Variants in MPV17L observed in about 807,000 individuals in gnomAD.
The protein encoded by MPV17L is MPV17 mitochondrial inner membrane protein like, also known as mpv17-like protein.
In MPV17L, 24 loss-of-function variants were observed where a neutral mutation model predicts 25.8. That is an observed-to-expected ratio of 0.93 (90% CI 0.67 to 1.31). The LOEUF is 1.31. Among genes scored for constraint, MPV17L ranks in the 50% most tolerant of loss-of-function variants. The pLI is 0.00. For synonymous variants in MPV17L, 102 were observed against 115.3 expected, an observed-to-expected ratio of 0.88 and a Z score of 0.74; for missense variants, 250 against 265.6, an observed-to-expected ratio of 0.94 and a Z score of 0.41.
At position 15,395,863 on chromosome 16, in the gene MPV17L, G is replaced by T. The variant is rs1218388743; in HGVS notation, c.-35G>T. ...CCCGGTGCAGGAAGACGCCGACCAC[G>T]CGGGCTCCTGATCGCGGGCGCCCAC... On this transcript the variant is annotated 5_prime_UTR_variant, in exon 1 of 4. Transcript: ENST00000396385. 13 of 1,375,956 alleles carry T rather than the reference G, an allele frequency of 9.4e-6. No homozygotes were observed. Among genetic ancestry groups the T allele is most frequent in the Non-Finnish European group, 1.2e-5 (13 of 1,075,732 alleles). The allele number at this position is 1,375,956 out of a possible 1,614,324, so 85.2% of individuals were successfully genotyped here.
intron 2 of MPV17L, 118 bp from the exon 3 acceptor site, chr16:15,407,706 C>T (rs2050693761): frequency 4.3e-6 from 4 of 939,424 alleles, no homozygotes; most frequent in South Asian, 1.7e-5. Flanking sequence ...TGCACCACTG[C>T]ACTCCAGTCT....
chr16:15,407,919 T>C lies in MPV17L; in HGVS notation c.412-14T>C, dbSNP rs761655522. On this transcript the variant is annotated splice_polypyrimidine_tract_variant and intron_variant, in intron 3 of 3. Coordinates refer to ENST00000396385, the MANE Select transcript of MPV17L (RefSeq NM_001128423.2). ...GTTTCCATGTGGCCCTAACGGACTCTCTCTCTGTTCCAGCTGACCAACTTC... is the reference window on the plus strand; with the variant it reads ...GTTTCCATGTGGCCCTAACGGACTCCCTCTCTGTTCCAGCTGACCAACTTC... 1.2e-6 allele frequency: 2 copies of C among 1,613,490 alleles called. No homozygotes were observed. The highest frequency in any genetic ancestry group is 4.5e-5 in the East Asian group (2 of 44,878).
intron 1 of MPV17L, 31 bp downstream of exon 1, chr16:15,396,238 G>A (rs1339475137): frequency 1.3e-6 from 2 of 1,543,628 alleles, no homozygotes; most frequent in Non-Finnish European, 1.7e-6. Flanking sequence ...CTGGGGGGTG[G>A]GACCCAGTAT....
At chr16:15,400,910 A>ATATATATTTTGTG in intron 2 of MPV17L, 53 bp downstream of exon 2, 1 of 1,084,592 alleles carries the variant, frequency 9.2e-7, no homozygotes, top group Non-Finnish European at 1.2e-6. Context: ...ATATATGTAT[A>ATATATATTTTGTG]TATATGTGTA....
chr16:15,397,190 G>A (rs1298752643), intron 1 of MPV17L, among the ~76,000 whole-genome samples: 1 of 152,170 alleles, frequency 6.6e-6, no homozygotes, highest in Non-Finnish European at 1.5e-5. Flanking sequence ...AGGAGAGGGT[G>A]CATGACTGCA....
Position 15,395,978 on chromosome 16 carries a change from C to A in MPV17L, c.81C>A (p.Leu27=). 1.3e-6 allele frequency: 2 copies of A among 1,513,458 alleles called. No individual in the cohort carries two copies. Among genetic ancestry groups the A allele is most frequent in the Non-Finnish European group, 1.8e-6 (2 of 1,138,600 alleles). 93.8% of individuals were successfully genotyped at this position (1,513,458 alleles called of 1,614,324 possible). ...WPTNVLLYGS[L]VSAGDALQQR... is the part of the protein sequence containing the mutation. ...CCAACGTGCTGCTTTACGGCTCGCT[C>A]GTCTCGGCCGGGGACGCGCTGCAAC... Residue 27 remains leucine, a synonymous_variant, in exon 1 of 4, where the codon CTC becomes CTA. Transcript: ENST00000396385.
At chr16:15,400,737 T>C (rs1379146909) in intron 1 of MPV17L, 50 bp from the exon 2 acceptor site, 5 of 1,307,224 alleles carry the variant, frequency 3.8e-6, no homozygotes, top group East Asian at 2.4e-5. Context: ...TGAACTGTTA[T>C]ACGGTACTCT....
intron 2 of MPV17L, among the ~76,000 whole-genome samples, chr16:15,403,613 A>C (rs1208784906): frequency 6.6e-6 from 1 of 151,436 alleles, no homozygotes; most frequent in Non-Finnish European, 1.5e-5. Flanking sequence ...TCGAGGCTGC[A>C]GTAAGCTGTG....
chr16:15,402,196 C>T (rs143254253), intron 2 of MPV17L, among the ~76,000 whole-genome samples: 1 of 152,184 alleles, frequency 6.6e-6, no homozygotes, highest in Non-Finnish European at 1.5e-5. Flanking sequence ...CAAATATATA[C>T]AGTCCAGTCC....
At chr16:15,401,123 C>A (rs372442861) in intron 2 of MPV17L, among the ~76,000 whole-genome samples, 10,748 of 77,896 alleles carry the variant, frequency 0.14, 577 homozygotes, top group Middle Eastern at 0.2. Flanking sequence ...ATTAAAAAAA[C>A]CTTTTTCGAG....
rs117236268 is a variant in MPV17L at position 15,409,274 on chromosome 16, G to A, written c.*1162G>A. 5.5e-3 allele frequency: 841 copies of A among 152,182 alleles called. 17 individuals carry two copies. In the East Asian group the frequency reaches 0.065, roughly 12 times the overall value. The allele number at this position is 152,182 out of a possible 1,614,324, so 9.4% of individuals were successfully genotyped here. A position where few individuals can be genotyped will look rare whatever the true frequency, so the allele number is the denominator to read the frequency against. On this transcript the variant is annotated 3_prime_UTR_variant, in exon 4 of 4. Transcript: ENST00000396385. ...TTTTTGTATTTTTAGTAGAGAGGGC[G>A]TTTTGCCATGTTGGCTAGGCTGGTC...
At chr16:15,404,382 G>A (rs193037328) in intron 2 of MPV17L, among the ~76,000 whole-genome samples, 83 of 152,246 alleles carry the variant, frequency 5.5e-4, no homozygotes, top group Non-Finnish European at 1.0e-3. Flanking sequence ...GGTGGTTATC[G>A]TGACCAAGTT....
intron 1 of MPV17L, 27 bp from the exon 2 acceptor site, chr16:15,400,760 A>G (rs1376241387): frequency 1.9e-6 from 3 of 1,543,718 alleles, no homozygotes; most frequent in Admixed American, 1.9e-5. Flanking sequence ...TGAATCTTTT[A>G]AAATTTTTTT....
intron 2 of MPV17L, among the ~76,000 whole-genome samples, chr16:15,405,321 G>A (rs549152555): frequency 6.6e-6 from 1 of 151,202 alleles, no homozygotes; most frequent in South Asian, 2.1e-4. Flanking sequence ...ATTGTTTGGG[G>A]TCAGGAATTC....
intron 2 of MPV17L, among the ~76,000 whole-genome samples, chr16:15,404,172 G>A (rs564529229): frequency 1.3e-4 from 20 of 152,200 alleles, no homozygotes; most frequent in Non-Finnish European, 2.9e-4. Flanking sequence ...GTCATTCCAG[G>A]GGCAGAAGAG....
At position 15,410,715 on chromosome 16, in the gene MPV17L, ATATAATTTG is replaced by A. The variant is rs2050726289; in HGVS notation, c.*2614_*2622del. 1 of 152,250 alleles carries A rather than the reference ATATAATTTG, an allele frequency of 6.6e-6. No individual in the cohort carries two copies. Among genetic ancestry groups the A allele is most frequent in the African/African-American group, 2.4e-5 (1 of 41,474 alleles). The allele number at this position is 152,250 out of a possible 1,614,324, so 9.4% of individuals were successfully genotyped here. On this transcript the variant is annotated 3_prime_UTR_variant, in exon 4 of 4. Coordinates refer to ENST00000396385, the MANE Select transcript of MPV17L (RefSeq NM_001128423.2). ...AAGACTATATACCTAAAAATTGAGC[ATATAATTTG>A]TATAATTTGTTTATGTAAGTTTCTG...
At chr16:15,400,900 AT>A (rs1181174546) in intron 2 of MPV17L, 43 bp downstream of exon 2, 3 of 1,105,360 alleles carry the variant, frequency 2.7e-6, no homozygotes, top group Admixed American at 6.5e-5. Context: ...ATTTTTGTGT[AT>A]ATATGTATAT....
chr16:15,406,008 A>G lies in MPV17L; in HGVS notation c.382-1816A>G, dbSNP rs555602978. ...GTTCGAGACCAGCCTGGCCAATATC[A>G]TGAAACCTTGTCTCTACTAAAAATA... On this transcript the variant is annotated intron_variant, in intron 2 of 3. Coordinates refer to ENST00000396385, the MANE Select transcript of MPV17L (RefSeq NM_001128423.2). Among the ~76,000 whole-genome samples the G allele has an allele frequency of 8.6e-5, 13 of 151,890 alleles. No individual in the cohort carries two copies. In the South Asian group the frequency reaches 2.1e-3, roughly 24 times the overall value.
At chr16:15,396,491 G>A (rs1453704717) in intron 1 of MPV17L, among the ~76,000 whole-genome samples, 2 of 152,278 alleles carry the variant, frequency 1.3e-5, no homozygotes, top group African/African-American at 4.8e-5. Flanking sequence ...GACTAGGGTC[G>A]GGGCTCAGAC....
Sources: gnomAD v4.1 joint callset for allele counts (sites outside exome capture counted in the v4.1 genomes callset) on GRCh38, gnomAD v4.1.1 for gene constraint, MANE v1.5 for transcripts, NCBI Gene and HGNC (gene_info 2026-07-23, HGNC 2026-07-21) for gene names.